Variants in WDR72 observed in about 807,000 individuals in gnomAD.
The protein encoded by WDR72 is WD repeat-containing protein 72.
A neutral mutation model predicts 124.2 loss-of-function variants in WDR72; 120 were observed. That is an observed-to-expected ratio of 0.97 (90% confidence interval 0.83 to 1.12). The LOEUF (loss-of-function observed/expected upper bound fraction) is 1.12, where lower values mean the gene tolerates loss of function less well. Among genes scored for constraint, WDR72 ranks in the 50% most tolerant of loss-of-function variants. The pLI, the probability that WDR72 is intolerant of heterozygous loss-of-function variation, is 0.00. For missense variants in WDR72, 1,387 were observed against 1,278.8 expected (o/e 1.08, Z -1.29); for synonymous variants, 452 against 441.7 (o/e 1.02, Z -0.29).
intron 13 of WDR72, among the ~76,000 whole-genome samples, chr15:53,689,308 C>T (rs571497253): frequency 2.7e-5 from 4 of 149,722 alleles, no homozygotes; most frequent in Non-Finnish European, 4.4e-5. Context: ...ATTTTCACAA[C>T]CTACTCATCT....
At chr15:53,738,634 T>C (rs539304022) in intron 1 of WDR72, among the ~76,000 whole-genome samples, 1 of 152,346 alleles carries the variant, frequency 6.6e-6, no homozygotes, top group African/African-American at 2.4e-5. Flanking sequence ...CTCGTTCTTG[T>C]CGCCCATGCT....
chr15:53,616,088 T>C lies in WDR72; in HGVS notation c.2118A>G (p.Ser706=), dbSNP rs774536531. 4 of 1,606,536 alleles carry C rather than the reference T, an allele frequency of 2.5e-6. No individual in the cohort carries two copies. Among genetic ancestry groups the C allele is most frequent in the East Asian group, 2.2e-5 (1 of 44,726 alleles). Residue 706 remains serine, a synonymous_variant, in exon 15 of 20, where the codon TCA becomes TCG. Transcript: ENST00000360509. The part of the protein sequence containing the change: ...TPLSDVDSSS[S]FYGGEVLRRA... ...TTCTCAGGACCTCACCACCATAGAA[T>C]GAACTGGAAGAGTCAACATCACTGA...
At chr15:53,742,297 A>C (rs1446203352) in intron 1 of WDR72, among the ~76,000 whole-genome samples, 1 of 152,170 alleles carries the variant, frequency 6.6e-6, no homozygotes, top group East Asian at 1.9e-4. Flanking sequence ...TCAAAGGAAA[A>C]AACCATTTTA....
chr15:53,648,397 C>G (rs2015116806), intron 14 of WDR72, among the ~76,000 whole-genome samples: 1 of 152,072 alleles, frequency 6.6e-6, no homozygotes, highest in Non-Finnish European at 1.5e-5. Flanking sequence ...TGTAATTTTA[C>G]TTACTCCAAA....
intron 16 of WDR72, among the ~76,000 whole-genome samples, chr15:53,612,569 T>G (rs1350675545): frequency 6.6e-6 from 1 of 151,104 alleles, no homozygotes; most frequent in Non-Finnish European, 1.5e-5. Context: ...TGGGTAAGAG[T>G]AAAAAGGCTA....
At chr15:53,705,329 C>G in intron 10 of WDR72, 96 bp from the exon 11 acceptor site, 2 of 1,121,264 alleles carry the variant, frequency 1.8e-6, no homozygotes, top group Non-Finnish European at 2.7e-6. Context: ...AATATGAATA[C>G]AGTGTTACAG....
At chr15:53,736,441 G>A (rs1039061598) in intron 1 of WDR72, among the ~76,000 whole-genome samples, 2 of 152,178 alleles carry the variant, frequency 1.3e-5, no homozygotes, top group African/African-American at 4.8e-5. Context: ...TGAGAAAGGA[G>A]CTCACATAAT....
At chr15:53,730,945 G>GC (rs1165475722) in intron 2 of WDR72, among the ~76,000 whole-genome samples, 1 of 149,446 alleles carries the variant, frequency 6.7e-6, no homozygotes, top group Non-Finnish European at 1.5e-5. Context: ...TAGTTGCAAT[G>GC]TGGGGGGGCA....
intron 14 of WDR72, among the ~76,000 whole-genome samples, chr15:53,658,240 G>T (rs1249018532): frequency 1.3e-5 from 2 of 152,120 alleles, no homozygotes; most frequent in East Asian, 3.9e-4. Flanking sequence ...TTACCTTGGA[G>T]CATTTTTTTT....
intron 18 of WDR72, among the ~76,000 whole-genome samples, chr15:53,566,867 T>A (rs1456566130): frequency 3.9e-5 from 6 of 152,082 alleles, no homozygotes; most frequent in Non-Finnish European, 8.8e-5. Flanking sequence ...CAGGAAAGAA[T>A]AGGTTACTGG....
chr15:53,637,714 C>A (rs2014677190), intron 14 of WDR72, among the ~76,000 whole-genome samples: 1 of 152,144 alleles, frequency 6.6e-6, no homozygotes, highest in African/African-American at 2.4e-5. Context: ...CAGCTTCTAT[C>A]CCAAATCCTA....
At chr15:53,709,748 A>T (rs1342530796) in intron 9 of WDR72, among the ~76,000 whole-genome samples, 1 of 152,220 alleles carries the variant, frequency 6.6e-6, no homozygotes, top group African/African-American at 2.4e-5. Context: ...CTTGTGTCCC[A>T]GTGGCACTTG....
At chr15:53,645,167 T>A (rs777865644) in intron 14 of WDR72, among the ~76,000 whole-genome samples, 28 of 152,168 alleles carry the variant, frequency 1.8e-4, no homozygotes, top group Non-Finnish European at 1.5e-5. Context: ...CTTTGGCAAG[T>A]ATCACAGGGT....
At chr15:53,703,202 C>A (rs1391203310) in intron 11 of WDR72, among the ~76,000 whole-genome samples, 1 of 152,182 alleles carries the variant, frequency 6.6e-6, no homozygotes, top group Non-Finnish European at 1.5e-5. Flanking sequence ...GCGGTAGCCA[C>A]CGCGCCCAGC....
intron 1 of WDR72, among the ~76,000 whole-genome samples, chr15:53,752,992 T>C (rs1350954269): frequency 6.6e-6 from 1 of 152,096 alleles, no homozygotes; most frequent in Non-Finnish European, 1.5e-5. Context: ...ATAAGTCAAA[T>C]CCTAAGTATG....
chr15:53,573,483 G>A (rs1894632875), intron 18 of WDR72, among the ~76,000 whole-genome samples: 1 of 150,798 alleles, frequency 6.6e-6, no homozygotes, highest in Non-Finnish European at 1.5e-5. Context: ...TTGATGATGT[G>A]TTTTTTATGA....
chr15:53,543,077 C>A (rs1893237784), intron 18 of WDR72, among the ~76,000 whole-genome samples: 2 of 145,342 alleles, frequency 1.4e-5, no homozygotes, highest in South Asian at 4.7e-4. Context: ...CAACATTAGA[C>A]AGATCAACGA....
chr15:53,583,198 C>T (rs1448434795), intron 18 of WDR72, among the ~76,000 whole-genome samples: 1 of 151,834 alleles, frequency 6.6e-6, no homozygotes, highest in Non-Finnish European at 1.5e-5. Context: ...CTTAGTGTTC[C>T]TCTCAATAAA....
intron 13 of WDR72, among the ~76,000 whole-genome samples, chr15:53,672,163 A>G (rs1448653233): frequency 6.6e-6 from 1 of 152,204 alleles, no homozygotes; most frequent in Non-Finnish European, 1.5e-5. Context: ...AGGGGCCCTA[A>G]TAAGAATGGG....
Sources: allele counts gnomAD v4.1 joint callset (sites outside exome capture counted in the v4.1 genomes callset), GRCh38; gene constraint gnomAD v4.1.1; transcripts MANE v1.5; gene names NCBI Gene and HGNC (gene_info 2026-07-23, HGNC 2026-07-21).